PDZD2: variants seen among roughly 807,000 people sequenced by gnomAD.
PDZD2 encodes the protein PDZ domain-containing protein 2.
Under a neutral mutation model 220.7 loss-of-function variants are expected in PDZD2, and 90 were observed. That is an observed-to-expected ratio of 0.41 (90% CI 0.34 to 0.49). The LOEUF (loss-of-function observed/expected upper bound fraction) is 0.49, where lower values mean the gene tolerates loss of function less well. Among genes scored for constraint, PDZD2 ranks in the 20% least tolerant of loss-of-function variants. The pLI, the probability that PDZD2 is intolerant of heterozygous loss-of-function variation, is 0.28. For synonymous variants in PDZD2, 1,375 were observed against 1,450.5 expected, an observed-to-expected ratio of 0.95 and a Z score of 1.18; for missense variants, 3,174 against 3,608.5, an observed-to-expected ratio of 0.88 and a Z score of 3.08.
At chr5:31,753,600 CAAAT>C (rs71614264) in intron 1 of PDZD2, among the ~76,000 whole-genome samples, 2 of 149,568 alleles carry the variant, frequency 1.3e-5, no homozygotes, top group Non-Finnish European at 3.0e-5. Flanking sequence ...GACTCTGTCT[CAAAT>C]AAATAAATAA....
At chr5:32,049,988 C>T (rs971124335) in intron 8 of PDZD2, among the ~76,000 whole-genome samples, 4 of 152,136 alleles carry the variant, frequency 2.6e-5, no homozygotes, top group Non-Finnish European at 5.9e-5. Context: ...GGCTAGAGTT[C>T]AGTGGTGCGA....
chr5:31,984,889 A>G (rs1305579555), intron 3 of PDZD2, among the ~76,000 whole-genome samples: 1 of 152,180 alleles, frequency 6.6e-6, no homozygotes, highest in East Asian at 1.9e-4. Context: ...CCTGGGGGTA[A>G]GTGTGATTTC....
At chr5:31,690,725 G>A (rs1240294594) in intron 1 of PDZD2, among the ~76,000 whole-genome samples, 1 of 152,128 alleles carries the variant, frequency 6.6e-6, no homozygotes, top group East Asian at 1.9e-4. Context: ...TTTAGGGCCC[G>A]CCTGGATAAT....
At chr5:31,773,790 T>C (rs1174243309) in intron 1 of PDZD2, among the ~76,000 whole-genome samples, 1 of 152,222 alleles carries the variant, frequency 6.6e-6, no homozygotes, top group Non-Finnish European at 1.5e-5. Context: ...CCTGGCTGTG[T>C]GACTTTAGAC....
intron 2 of PDZD2, among the ~76,000 whole-genome samples, chr5:31,818,822 T>A (rs1647246666): frequency 6.6e-6 from 1 of 152,188 alleles, no homozygotes; most frequent in African/African-American, 2.4e-5. Context: ...TTAATTTAAT[T>A]TTTTTATGTT....
At chr5:31,947,114 G>A (rs1249066529) in intron 2 of PDZD2, among the ~76,000 whole-genome samples, 2 of 152,142 alleles carry the variant, frequency 1.3e-5, no homozygotes, top group Non-Finnish European at 2.9e-5. Context: ...AAGAAAGAAC[G>A]GGCTAACTGG....
At chr5:31,773,484 C>CAA (rs56843716) in intron 1 of PDZD2, among the ~76,000 whole-genome samples, 22,208 of 111,188 alleles carry the variant, frequency 0.2, 2,714 homozygotes, top group East Asian at 0.54. Flanking sequence ...ACTAAAAATA[C>CAA]AAAAAAAAAA....
At chr5:31,849,554 A>G (rs929063504) in intron 2 of PDZD2, among the ~76,000 whole-genome samples, 15 of 152,018 alleles carry the variant, frequency 9.9e-5, no homozygotes, top group African/African-American at 3.1e-4. Context: ...TATGAAATAC[A>G]CTTACCAGGC....
intron 2 of PDZD2, among the ~76,000 whole-genome samples, chr5:31,842,517 C>T (rs1266366328): frequency 6.6e-6 from 1 of 152,294 alleles, no homozygotes; most frequent in Non-Finnish European, 1.5e-5. Flanking sequence ...TTTCCTGGCT[C>T]GAATCTGGCT....
intron 2 of PDZD2, among the ~76,000 whole-genome samples, chr5:31,810,111 G>A (rs11741232): frequency 0.17 from 26,516 of 151,990 alleles, 3,452 homozygotes; most frequent in East Asian, 0.69. Context: ...CTTCATACCC[G>A]TCTATCTATA....
At chr5:32,059,895 A>G (rs1050715707) in intron 13 of PDZD2, among the ~76,000 whole-genome samples, 1 of 152,176 alleles carries the variant, frequency 6.6e-6, no homozygotes, top group Non-Finnish European at 1.5e-5. Flanking sequence ...CTTAATCCAG[A>G]TAGTTGAGTT....
intron 2 of PDZD2, among the ~76,000 whole-genome samples, chr5:31,831,620 T>C (rs893825040): frequency 3.3e-5 from 5 of 151,934 alleles, no homozygotes; most frequent in African/African-American, 9.7e-5. Context: ...TGGTGGTGTG[T>C]GCCTGTAGTC....
chr5:31,855,327 T>G (rs990877053), intron 2 of PDZD2, among the ~76,000 whole-genome samples: 3 of 152,212 alleles, frequency 2.0e-5, no homozygotes, highest in Admixed American at 1.3e-4. Context: ...CCCGGATCAC[T>G]GGGGTGTGTT....
intron 6 of PDZD2, among the ~76,000 whole-genome samples, chr5:32,021,815 C>G (rs1298039468): frequency 6.6e-6 from 1 of 152,166 alleles, no homozygotes; most frequent in African/African-American, 2.4e-5. Context: ...TAGTAAATAT[C>G]TGTGGAATTA....
intron 1 of PDZD2, among the ~76,000 whole-genome samples, chr5:31,748,374 C>A (rs1025373423): frequency 5.9e-5 from 9 of 152,214 alleles, no homozygotes; most frequent in African/African-American, 2.2e-4. Flanking sequence ...ATTTCCCCAG[C>A]CACTCCCCAT....
intron 1 of PDZD2, among the ~76,000 whole-genome samples, chr5:31,706,327 C>A (rs1404366390): frequency 1.3e-5 from 2 of 152,052 alleles, no homozygotes; most frequent in African/African-American, 4.8e-5. Context: ...GAATAAGGAA[C>A]AGGTTTAGCA....
intron 24 of PDZD2, chr5:32,106,372 G>T (rs1447964330): frequency 6.6e-6 from 1 of 152,290 alleles, no homozygotes; most frequent in Non-Finnish European, 1.5e-5. Flanking sequence ...GTGAACAGAG[G>T]AAGCTTTGCT....
chr5:31,809,988 A>C (rs1754992571), intron 2 of PDZD2, among the ~76,000 whole-genome samples: 1 of 152,156 alleles, frequency 6.6e-6, no homozygotes, highest in Non-Finnish European at 1.5e-5. Context: ...CCTACATAAG[A>C]CACTCGCTTT....
chr5:32,016,684 A>G (rs1753812826), intron 6 of PDZD2, among the ~76,000 whole-genome samples: 1 of 152,122 alleles, frequency 6.6e-6, no homozygotes, highest in South Asian at 2.1e-4. Flanking sequence ...GCCTCTGCTT[A>G]TGGATTCCCC....
Sources: allele counts gnomAD v4.1 joint callset (sites outside exome capture counted in the v4.1 genomes callset), GRCh38; gene constraint gnomAD v4.1.1; transcripts MANE v1.5; gene names NCBI Gene and HGNC (gene_info 2026-07-23, HGNC 2026-07-21).